The following WDR47 variants were observed in gnomAD, a reference collection of about 807,000 sequenced individuals.
The protein encoded by WDR47 is WD repeat domain 47.
A neutral mutation model predicts 97.2 loss-of-function variants in WDR47; 32 were observed. The ratio of observed to expected loss-of-function variants is 0.33; its 90% CI spans 0.25 to 0.44. The LOEUF (loss-of-function observed/expected upper bound fraction) is 0.44, where lower values mean the gene tolerates loss of function less well. Ranked by LOEUF, WDR47 falls within the 20% of genes least tolerant of loss-of-function variation. The pLI is 1.00. For synonymous variants in WDR47, 375 were observed against 373.5 expected, an observed-to-expected ratio of 1.00 and a Z score of -0.05; for missense variants, 782 against 1,102.3, an observed-to-expected ratio of 0.71 and a Z score of 4.11.
At chr1:109,025,929 C>T (rs1402748738) in intron 1 of WDR47, among the ~76,000 whole-genome samples, 1 of 152,160 alleles carries the variant, frequency 6.6e-6, no homozygotes, top group Non-Finnish European at 1.5e-5. Flanking sequence ...ACCAGCTACC[C>T]AACTCCGCAT....
At chr1:109,021,504 G>A (rs1661836358) in intron 2 of WDR47, among the ~76,000 whole-genome samples, 1 of 145,932 alleles carries the variant, frequency 6.9e-6, no homozygotes, top group South Asian at 2.2e-4. Flanking sequence ...CCCCAGCCTA[G>A]GTGACAAAGC....
At chr1:109,028,536 T>C (rs1406930854) in intron 1 of WDR47, among the ~76,000 whole-genome samples, 3 of 151,442 alleles carry the variant, frequency 2.0e-5, no homozygotes, top group African/African-American at 7.3e-5. Flanking sequence ...TTAATTGTTT[T>C]CAAAAACTTA....
At chr1:108,986,895 C>A in intron 9 of WDR47, 1 of 399,712 alleles carries the variant, frequency 2.5e-6, no homozygotes, top group Non-Finnish European at 4.6e-6. Context: ...AAGTAGGCTA[C>A]AGTGAAGAAA....
At chr1:108,982,800 A>T (rs1055420707) in intron 11 of WDR47, 21 bp from the exon 12 acceptor site, 14 of 577,768 alleles carry the variant, frequency 2.4e-5, no homozygotes, top group Admixed American at 8.9e-5. Context: ...AGTAAGAATT[A>T]AAAAAAAAAA....
At chr1:109,035,154 G>A (rs771231035) in intron 1 of WDR47, among the ~76,000 whole-genome samples, 2 of 150,346 alleles carry the variant, frequency 1.3e-5, no homozygotes, top group African/African-American at 2.4e-5. Flanking sequence ...GCTGAGGTGG[G>A]AGAATTGTTT....
chr1:109,003,520 G>A (rs1571197303), intron 6 of WDR47, among the ~76,000 whole-genome samples: 1 of 152,090 alleles, frequency 6.6e-6, no homozygotes, highest in African/African-American at 2.4e-5. Flanking sequence ...TTGTTTGTTT[G>A]AGACAGAGTC....
chr1:109,001,063 G>A (rs561567175), intron 7 of WDR47, among the ~76,000 whole-genome samples: 2 of 152,198 alleles, frequency 1.3e-5, no homozygotes, highest in African/African-American at 4.8e-5. Context: ...GGGAGTGGGC[G>A]GATCACTTGA....
chr1:109,017,740 AT>A, intron 2 of WDR47, 139 bp from the exon 3 acceptor site: 1 of 650,908 alleles, frequency 1.5e-6, no homozygotes, highest in Non-Finnish European at 2.4e-6. Context: ...CCTCAAATAA[AT>A]TTTTCATAAT....
At position 109,011,668 on chromosome 1, in the gene WDR47, T is replaced by G. The variant is rs758632821; in HGVS notation, c.378A>C (p.Glu126Asp). ...TATAGTCATCTTTAGAAGGACAGTA[T>G]TCTTCTAGAGCATGTAAACATTGCA... The part of the protein sequence containing the change: ...EAVQCLHALE[E>D]YCPSKDDYSK... The change falls in exon 5 of 15, where the codon GAA becomes GAC. Residue 126 changes from glutamate to aspartate, a missense_variant. Around this residue, in one of 3 missense-constraint regions of WDR47, gnomAD observed 428 missense variants for 584.3 expected, o/e 0.73. Coordinates refer to ENST00000369962, the MANE Select transcript of WDR47 (RefSeq NM_001142551.2). The G allele has an allele frequency of 1.5e-5, 24 of 1,614,170 alleles. No individual in the cohort carries two copies. Among genetic ancestry groups the G allele is most frequent in the Non-Finnish European group, 2.0e-5 (24 of 1,180,020 alleles).
intron 13 of WDR47, among the ~76,000 whole-genome samples, chr1:108,979,857 G>A (rs1453848890): frequency 6.6e-6 from 1 of 151,862 alleles, no homozygotes; most frequent in Non-Finnish European, 1.5e-5. Context: ...TTAAACCAGG[G>A]GTCCCCAAGC....
At chr1:108,991,879 T>C in intron 8 of WDR47, among the ~76,000 whole-genome samples, 1 of 152,062 alleles carries the variant, frequency 6.6e-6, no homozygotes, top group East Asian at 1.9e-4. Context: ...CCCAGGCTGC[T>C]CTCGAACTCC....
intron 7 of WDR47, among the ~76,000 whole-genome samples, chr1:108,996,810 T>C (rs1320117897): frequency 6.6e-6 from 1 of 152,160 alleles, no homozygotes; most frequent in Admixed American, 6.6e-5. Context: ...GGAAGCTACA[T>C]TGCTCTTTTA....
chr1:109,003,951 T>C (rs560401886), intron 6 of WDR47, among the ~76,000 whole-genome samples: 71 of 152,294 alleles, frequency 4.7e-4, no homozygotes, highest in African/African-American at 1.6e-3. Flanking sequence ...TAGTAAAATA[T>C]AGACCATATC....
intron 7 of WDR47, among the ~76,000 whole-genome samples, chr1:108,996,060 G>A (rs1312093694): frequency 6.6e-6 from 1 of 152,098 alleles, no homozygotes; most frequent in Admixed American, 6.6e-5. Context: ...TAGGCATAAT[G>A]GGCATTATAG....
At chr1:109,034,887 TTGAA>T (rs1662826464) in intron 1 of WDR47, among the ~76,000 whole-genome samples, 1 of 152,248 alleles carries the variant, frequency 6.6e-6, no homozygotes, top group East Asian at 1.9e-4. Flanking sequence ...TAAATATTTG[TTGAA>T]TGAATGAATA....
At chr1:109,010,446 T>C (rs941128249) in intron 5 of WDR47, among the ~76,000 whole-genome samples, 1 of 152,054 alleles carries the variant, frequency 6.6e-6, no homozygotes, top group African/African-American at 2.4e-5. Flanking sequence ...TAGTCCCAGC[T>C]ACTCAGGGGG....
chr1:109,037,321 C>G (rs1340453053), intron 1 of WDR47, among the ~76,000 whole-genome samples: 1 of 146,228 alleles, frequency 6.8e-6, no homozygotes, highest in South Asian at 2.2e-4. Flanking sequence ...AAGAGCAAAA[C>G]TCCGTCTAAA....
chr1:108,984,165 C>T (rs1658579466), intron 10 of WDR47, among the ~76,000 whole-genome samples: 2 of 152,164 alleles, frequency 1.3e-5, no homozygotes, highest in Admixed American at 6.6e-5. Flanking sequence ...GGGTGAGGCA[C>T]TGCAGGCTCA....
chr1:109,002,359 C>T lies in WDR47; in HGVS notation c.1298G>A (p.Arg433Lys), dbSNP rs1406212023. 6.2e-7 allele frequency: 1 copy of T among 1,610,800 alleles called. No individual in the cohort carries two copies. The highest frequency in any genetic ancestry group is 2.2e-5 in the East Asian group (1 of 44,854). Residue 433 changes from arginine (R) to lysine (K), a missense_variant, in exon 7 of 15, where the codon AGA (arginine) becomes AAA (lysine). This residue lies in a region of WDR47 where 428 missense variants were observed against 584.3 expected (regional missense o/e 0.73). Coordinates refer to ENST00000369962, the MANE Select transcript of WDR47 (RefSeq NM_001142551.2). ...TTCTAAATGCTGTTGATAGCGTAAT[C>T]TTTGCCTATAATATTCTTGAAATTG... ...TEQFQEYYRQ[R>K]LRYQQHLEQK...
Sources: gnomAD v4.1 joint callset for allele counts (sites outside exome capture counted in the v4.1 genomes callset) on GRCh38, gnomAD v4.1.1 for gene constraint, gnomAD v4.1.1 regional missense constraint, MANE v1.5 for transcripts, NCBI Gene and HGNC (gene_info 2026-07-23, HGNC 2026-07-21) for gene names.